ZNF69: variants seen among roughly 807,000 people sequenced by gnomAD.
ZNF69 encodes zinc finger protein 69, also known as ZNF3.
In ZNF69, 47 loss-of-function variants were observed where a neutral mutation model predicts 50.9. That is an observed-to-expected ratio of 0.92 (90% CI 0.73 to 1.18). The LOEUF (loss-of-function observed/expected upper bound fraction) is 1.18, where lower values mean the gene tolerates loss of function less well. Among genes scored for constraint, ZNF69 ranks in the 50% most tolerant of loss-of-function variants. ZNF69 has a pLI of 0.00. For synonymous variants in ZNF69, 216 were observed against 223.1 expected, an observed-to-expected ratio of 0.97 and a Z score of 0.29; for missense variants, 717 against 675.1, an observed-to-expected ratio of 1.06 and a Z score of -0.69.
the ZNF69 span, among the ~76,000 whole-genome samples, chr19:11,921,486 T>TTTTGTTTG: frequency 2.2e-4 from 33 of 150,730 alleles, no homozygotes; most frequent in South Asian, 5.7e-3. Context: ...GGAAAATTTC[T>TTTTGTTTG]TTTGTTTGTT....
downstream of ZNF69, among the ~76,000 whole-genome samples, chr19:11,918,314 C>A (rs28548856): frequency 0.072 from 10,968 of 152,184 alleles, 954 homozygotes; most frequent in African/African-American, 0.21. Flanking sequence ...TTATCTAACT[C>A]ACTTTTCGTC....
chr19:11,948,627 A>G, the ZNF69 span: 1 of 1,611,546 alleles, frequency 6.2e-7, no homozygotes, highest in Non-Finnish European at 8.5e-7. Flanking sequence ...TCTGTGGAAA[A>G]ACCTTTATTT....
the ZNF69 span, among the ~76,000 whole-genome samples, chr19:11,935,340 G>A: frequency 2.1e-5 from 3 of 145,650 alleles, no homozygotes; most frequent in Non-Finnish European, 4.5e-5. Context: ...AGGTTCAAGT[G>A]ATTCATCTGC....
At chr19:11,965,233 TC>T in the ZNF69 span, 3 of 1,613,912 alleles carry the variant, frequency 1.9e-6, no homozygotes, top group Non-Finnish European at 2.5e-6. Context: ...TAGCCGGTTG[TC>T]CCGAGACGGG....
At chr19:11,964,703 G>A in the ZNF69 span, among the ~76,000 whole-genome samples, 1 of 152,188 alleles carries the variant, frequency 6.6e-6, no homozygotes, top group African/African-American at 2.4e-5. Context: ...GGCTCCTATG[G>A]ACACTGAGTC....
chr19:11,909,687 T>C (rs887085288), downstream of ZNF69, among the ~76,000 whole-genome samples: 11 of 152,128 alleles, frequency 7.2e-5, no homozygotes, highest in South Asian at 4.1e-4. Context: ...TAAGAGCTAT[T>C]TATGACAAAC....
chr19:11,949,235 C>T, the ZNF69 span: 3 of 1,613,520 alleles, frequency 1.9e-6, no homozygotes, highest in Non-Finnish European at 1.7e-6. Context: ...CTTTCCAGTT[C>T]CTTTCGATAT....
chr19:11,955,640 G>C, the ZNF69 span, among the ~76,000 whole-genome samples: 1 of 152,138 alleles, frequency 6.6e-6, no homozygotes, highest in Non-Finnish European at 1.5e-5. Flanking sequence ...CTTTGGGAAT[G>C]CTGCTTGGGA....
the ZNF69 span, among the ~76,000 whole-genome samples, chr19:11,934,906 T>C: frequency 1.4e-4 from 20 of 146,216 alleles, 1 homozygote; most frequent in South Asian, 2.2e-4. Context: ...TTTGGTCGGG[T>C]GCGGTGGCTC....
the ZNF69 span, chr19:11,977,009 G>T: frequency 9.3e-6 from 15 of 1,613,098 alleles, no homozygotes; most frequent in African/African-American, 1.3e-4. Context: ...CTCTCACCCA[G>T]CCTCCTCTAC....
At chr19:11,958,913 C>T in the ZNF69 span, among the ~76,000 whole-genome samples, 17 of 152,328 alleles carry the variant, frequency 1.1e-4, no homozygotes, top group African/African-American at 3.6e-4. Context: ...AACAGAATCT[C>T]ACTCTGTCGC....
Position 11,906,055 on chromosome 19 carries a change from G to A in ZNF69, c.1658G>A (p.Gly553Asp). The A allele has an allele frequency of 6.2e-7, 1 of 1,613,022 alleles. No individual in the cohort carries two copies. The highest frequency in any genetic ancestry group is 8.5e-7 in the Non-Finnish European group (1 of 1,179,640). The change falls in exon 4 of 4, where the codon GGT (glycine) becomes GAT (aspartate). Residue 553 changes from glycine (G) to aspartate (D), a missense_variant. Transcript: ENST00000429654. The stretch of plus-strand genomic sequence containing the variant: ...GCTGCCTCAGTCCTTCGAATGCATG[G>A]TAGGACTCACCCTGAAGATAAACCC... The part of the protein sequence containing the change: ...FRAASVLRMH[G>D]RTHPEDKPYE...
At chr19:11,926,393 G>C in the ZNF69 span, among the ~76,000 whole-genome samples, 2 of 152,018 alleles carry the variant, frequency 1.3e-5, no homozygotes, top group Non-Finnish European at 2.9e-5. Flanking sequence ...AGCTGGAAAG[G>C]TACTTTGTTT....
intron 3 of ZNF69, 94 bp from the exon 4 acceptor site, chr19:11,904,555 T>C (rs1972319585): frequency 2.7e-6 from 4 of 1,485,256 alleles, no homozygotes; most frequent in East Asian, 4.7e-5. Context: ...TACACTTTGA[T>C]GGACAGTGTT....
intron 1 of ZNF69, among the ~76,000 whole-genome samples, chr19:11,888,330 C>A (rs886087677): frequency 2.6e-5 from 4 of 152,228 alleles, no homozygotes; most frequent in African/African-American, 9.6e-5. Context: ...TTGGGAGGAG[C>A]AGCGGTCTGT....
the ZNF69 span, among the ~76,000 whole-genome samples, chr19:11,951,021 C>T: frequency 6.0e-5 from 9 of 151,200 alleles, no homozygotes; most frequent in South Asian, 2.1e-4. Context: ...CATGGTGGCG[C>T]GCACCGGTAG....
At chr19:11,924,159 G>T in the ZNF69 span, among the ~76,000 whole-genome samples, 1 of 152,154 alleles carries the variant, frequency 6.6e-6, no homozygotes, top group Non-Finnish European at 1.5e-5. Flanking sequence ...GTGGCCGGGC[G>T]CGGTGGCTCA....
chr19:11,924,164 G>T, the ZNF69 span, among the ~76,000 whole-genome samples: 1 of 152,182 alleles, frequency 6.6e-6, no homozygotes, highest in Non-Finnish European at 1.5e-5. Context: ...CGGGCGCGGT[G>T]GCTCACGCCT....
Position 11,906,350 on chromosome 19 carries a change from A to C in ZNF69, c.*252A>C, listed in dbSNP as rs1383240033. On this transcript the variant is annotated 3_prime_UTR_variant, in exon 4 of 4. Transcript: ENST00000429654. Reference sequence around the variant, plus strand: ...AGCAGTCCTCCCAGCATGGAGTTTGAGATCTAAGAATGGACAGTCTGCCTC... The same window carrying C: ...AGCAGTCCTCCCAGCATGGAGTTTGCGATCTAAGAATGGACAGTCTGCCTC... 1 of 1,040,956 alleles carries C rather than the reference A, an allele frequency of 9.6e-7. No homozygotes were observed. Among genetic ancestry groups the C allele is most frequent in the Non-Finnish European group, 1.2e-6 (1 of 805,832 alleles). The allele number at this position is 1,040,956 out of a possible 1,614,324, so 64.5% of individuals were successfully genotyped here.
Sources: allele counts gnomAD v4.1 joint callset (sites outside exome capture counted in the v4.1 genomes callset), GRCh38; gene constraint gnomAD v4.1.1; transcripts MANE v1.5; gene names NCBI Gene and HGNC (gene_info 2026-07-23, HGNC 2026-07-21).